Variants in MAGI2 observed in about 807,000 individuals in gnomAD.
The protein encoded by MAGI2 is membrane associated guanylate kinase, WW and PDZ domain containing 2, also known as membrane-associated guanylate kinase, WW and PDZ domain-containing protein 2.
MAGI2 carries 35 observed loss-of-function variants against 133.3 expected under a neutral mutation model. That is an observed-to-expected ratio of 0.26 (90% CI 0.20 to 0.35). The LOEUF (loss-of-function observed/expected upper bound fraction) is 0.35. Ranked by LOEUF, MAGI2 falls within the 10% of genes least tolerant of loss-of-function variation. The pLI, the probability that MAGI2 is intolerant of heterozygous loss-of-function variation, is 1.00. For synonymous variants in MAGI2, 729 were observed against 710.6 expected (o/e 1.03, Z -0.41); for missense variants, 1,636 against 1,863.4 (o/e 0.88, Z 2.25).
intron 21 of MAGI2, among the ~76,000 whole-genome samples, chr7:78,054,276 T>G (rs987992525): frequency 2.0e-5 from 3 of 152,072 alleles, no homozygotes; most frequent in Non-Finnish European, 4.4e-5. Flanking sequence ...CAAGTGTGCA[T>G]CACCACGCCT....
intron 6 of MAGI2, among the ~76,000 whole-genome samples, chr7:78,395,396 C>T (rs1431131581): frequency 1.3e-5 from 2 of 152,102 alleles, no homozygotes; most frequent in Non-Finnish European, 2.9e-5. Context: ...AGATTCAATC[C>T]CAACAGAAAA....
Position 78,737,741 on chromosome 7 carries a change from GT to G in MAGI2, c.419-110503del, listed in dbSNP as rs113797531. Among the ~76,000 whole-genome samples, 457 of 152,028 alleles carry G rather than the reference GT, an allele frequency of 3.0e-3. 1 individual carries two copies. The highest frequency in any genetic ancestry group is 0.01 in the African/African-American group (429 of 41,498). ...AATATAGTTATGTCTCATAAAAATTGTTTTTTTATGGCTTGTTATTGTAAAT... is the reference window on the plus strand; with the variant it reads ...AATATAGTTATGTCTCATAAAAATTGTTTTTTATGGCTTGTTATTGTAAAT... On this transcript the variant is annotated intron_variant, in intron 2 of 21. Transcript: ENST00000354212.
rs138877802 is a variant in MAGI2 at position 78,417,406 on chromosome 7, C to G, written c.1046-48193G>C. ...AAGGAATTCACATTCACAGATCTCT[C>G]TGATAGCCTTCCCTGAGCTGCCTTT... On this transcript the variant is annotated intron_variant, in intron 6 of 21. Coordinates refer to ENST00000354212, the MANE Select transcript of MAGI2 (RefSeq NM_012301.4). Among the ~76,000 whole-genome samples, 584 of 152,122 alleles carry G rather than the reference C, an allele frequency of 3.8e-3. 3 individuals carry two copies. Among genetic ancestry groups the G allele is most frequent in the Non-Finnish European group, 3.9e-3 (266 of 67,974 alleles).
chr7:78,806,170 G>A (rs924642336), intron 2 of MAGI2, among the ~76,000 whole-genome samples: 21 of 152,150 alleles, frequency 1.4e-4, no homozygotes, highest in African/African-American at 4.8e-4. Flanking sequence ...GAAGAGCTTT[G>A]AGTCTTAATG....
chr7:78,208,690 GCAT>G (rs1787380227), intron 10 of MAGI2, among the ~76,000 whole-genome samples: 1 of 28,956 alleles, frequency 3.5e-5, no homozygotes, highest in Non-Finnish European at 8.3e-5. Flanking sequence ...TGAATGTATA[GCAT>G]TTTTTTTTTT....
chr7:78,460,879 G>A (rs118075628), intron 6 of MAGI2, among the ~76,000 whole-genome samples: 1,849 of 152,078 alleles, frequency 0.012, 24 homozygotes, highest in Non-Finnish European at 0.014. Context: ...CTGGCTTTGG[G>A]TCTCTTCTTC....
intron 2 of MAGI2, among the ~76,000 whole-genome samples, chr7:78,711,848 A>G (rs191938982): frequency 3.3e-5 from 5 of 152,338 alleles, no homozygotes; most frequent in Admixed American, 3.3e-4. Flanking sequence ...AGTGGTGTGT[A>G]TAATCCAAAA....
At chr7:78,577,389 T>C (rs1802375940) in intron 3 of MAGI2, among the ~76,000 whole-genome samples, 1 of 152,238 alleles carries the variant, frequency 6.6e-6, no homozygotes, top group South Asian at 2.1e-4. Flanking sequence ...GTTATTGTTA[T>C]ATATTTGAAA....
intron 21 of MAGI2, among the ~76,000 whole-genome samples, chr7:78,075,004 G>A (rs1417157130): frequency 1.3e-5 from 2 of 152,184 alleles, no homozygotes; most frequent in Non-Finnish European, 2.9e-5. Flanking sequence ...CATCCCCTAA[G>A]CTAATGTAAA....
At chr7:79,061,582 G>A (rs1020449778) in intron 1 of MAGI2, among the ~76,000 whole-genome samples, 2 of 152,060 alleles carry the variant, frequency 1.3e-5, no homozygotes, top group Non-Finnish European at 2.9e-5. Context: ...AAGAAAAAAA[G>A]AAGATGTGAT....
intron 2 of MAGI2, among the ~76,000 whole-genome samples, chr7:78,872,584 A>G (rs955079290): frequency 2.8e-5 from 4 of 144,520 alleles, no homozygotes; most frequent in African/African-American, 7.3e-5. Context: ...TCCCGTTTAT[A>G]TCAGGAATAA....
intron 2 of MAGI2, among the ~76,000 whole-genome samples, chr7:78,885,548 A>C (rs1192495456): frequency 6.6e-6 from 1 of 152,054 alleles, no homozygotes; most frequent in East Asian, 1.9e-4. Flanking sequence ...CTTTACAAAG[A>C]GCACAGGCCA....
intron 9 of MAGI2, among the ~76,000 whole-genome samples, chr7:78,282,585 G>A (rs1191829670): frequency 2.0e-5 from 3 of 151,860 alleles, no homozygotes; most frequent in African/African-American, 7.3e-5. Context: ...GCCTTAGACT[G>A]TAAGTTTCAG....
chr7:78,989,543 T>C (rs988565368), intron 2 of MAGI2, among the ~76,000 whole-genome samples: 1 of 152,096 alleles, frequency 6.6e-6, no homozygotes, highest in Non-Finnish European at 1.5e-5. Flanking sequence ...GATTCTAGAT[T>C]GAGAATACAA....
chr7:78,136,790 T>A (rs930415910), intron 16 of MAGI2, among the ~76,000 whole-genome samples: 5 of 152,252 alleles, frequency 3.3e-5, no homozygotes, highest in African/African-American at 4.8e-5. Context: ...TTGCACATGC[T>A]TTACAGCGAA....
chr7:78,112,852 A>G (rs1819491673), intron 20 of MAGI2, among the ~76,000 whole-genome samples: 1 of 152,184 alleles, frequency 6.6e-6, no homozygotes, highest in Non-Finnish European at 1.5e-5. Context: ...CACTGCGACA[A>G]ATGCTATGAA....
chr7:78,171,130 A>T (rs1826070542), intron 14 of MAGI2, among the ~76,000 whole-genome samples: 1 of 152,170 alleles, frequency 6.6e-6, no homozygotes, highest in Non-Finnish European at 1.5e-5. Flanking sequence ...AGATAGCTCG[A>T]TATATCTCTC....
At chr7:78,162,969 T>G (rs1210788969) in intron 15 of MAGI2, among the ~76,000 whole-genome samples, 3 of 152,170 alleles carry the variant, frequency 2.0e-5, no homozygotes, top group Non-Finnish European at 2.9e-5. Context: ...TATAATAATA[T>G]AGTAAAACAT....
At chr7:79,437,926 G>A (rs192439492) in intron 1 of MAGI2, among the ~76,000 whole-genome samples, 114 of 152,128 alleles carry the variant, frequency 7.5e-4, no homozygotes, top group Admixed American at 5.4e-3. Flanking sequence ...AAGAAGATTG[G>A]TTTGTATATT....
Sources: allele counts gnomAD v4.1 joint callset (sites outside exome capture counted in the v4.1 genomes callset), GRCh38; gene constraint gnomAD v4.1.1; transcripts MANE v1.5; gene names NCBI Gene and HGNC (gene_info 2026-07-23, HGNC 2026-07-21).